Variants in GALNT10 observed in about 807,000 individuals in gnomAD.
GALNT10 encodes polypeptide N-acetylgalactosaminyltransferase 10, also known as GalNAc transferase 10.
A neutral mutation model predicts 75.0 loss-of-function variants in GALNT10; 41 were observed. That is an observed-to-expected ratio of 0.55 (90% CI 0.43 to 0.71). GALNT10 has a LOEUF of 0.71. GALNT10 is among the 30% of genes least tolerant of loss of function. GALNT10 has a pLI of 0.00. For missense variants in GALNT10, 727 were observed against 818.5 expected, an observed-to-expected ratio of 0.89 and a Z score of 1.36; for synonymous variants, 302 against 313.0, an observed-to-expected ratio of 0.96 and a Z score of 0.37.
intron 4 of GALNT10, among the ~76,000 whole-genome samples, chr5:154,341,232 C>G (rs114435360): frequency 6.6e-6 from 1 of 152,148 alleles, no homozygotes; most frequent in Non-Finnish European, 1.5e-5. Flanking sequence ...TCAGTTCCTT[C>G]GCCTAAAAGA....
intron 2 of GALNT10, 85 bp downstream of exon 2, chr5:154,295,003 T>C: frequency 1.5e-6 from 1 of 660,124 alleles, no homozygotes; most frequent in Non-Finnish European, 2.7e-6. Flanking sequence ...TGTGTGTGTG[T>C]GTGTGTTCAT....
At chr5:154,287,247 C>G (rs889702692) in intron 1 of GALNT10, among the ~76,000 whole-genome samples, 16 of 152,186 alleles carry the variant, frequency 1.1e-4, no homozygotes, top group Admixed American at 2.6e-4. Flanking sequence ...AATGTAAGGC[C>G]CTCCAATTCT....
In GALNT10 at chr5:154,315,000, G is replaced by A. The variant is rs572885450; in HGVS notation, c.402-14572G>A. 2.2e-3 allele frequency among the ~76,000 whole-genome samples: 330 copies of A among 152,210 alleles called. 2 individuals carry two copies. Among genetic ancestry groups the A allele is most frequent in the Non-Finnish European group, 2.7e-3 (181 of 68,030 alleles). On this transcript the variant is annotated intron_variant, in intron 3 of 11. Coordinates refer to ENST00000297107, the MANE Select transcript of GALNT10 (RefSeq NM_198321.4). ...GTGTTGATAGGGCCTTGCAAATCGT[G>A]TAGAACAACAACAGTGTGTCCTAGC...
intron 4 of GALNT10, among the ~76,000 whole-genome samples, chr5:154,370,900 C>T (rs1444562384): frequency 6.6e-6 from 1 of 152,230 alleles, no homozygotes; most frequent in East Asian, 1.9e-4. Flanking sequence ...TCAGCAGAGG[C>T]TGCCAGCAGG....
chr5:154,413,974 T>A (rs1318394463), intron 10 of GALNT10, among the ~76,000 whole-genome samples: 1 of 152,230 alleles, frequency 6.6e-6, no homozygotes, highest in Non-Finnish European at 1.5e-5. Flanking sequence ...ATAATTTTTT[T>A]AATTTTAAAG....
rs536998010 is a variant in GALNT10, at chr5:154,402,032, C to G, written c.1057-2072C>G. Among the ~76,000 whole-genome samples the G allele has an allele frequency of 6.6e-6, 1 of 152,142 alleles. No homozygotes were observed. The highest frequency in any genetic ancestry group is 1.9e-4 in the East Asian group (1 of 5,186). ...GGGTCAGGACGGTCTCATATCAGGA[C>G]GACTGCAAGAGCCTCCCGGGCCTAC... On this transcript the variant is annotated intron_variant, in intron 7 of 11. Transcript: ENST00000297107. This position sits in a 1 kb window ranked among gnomAD's most constrained non-coding sequence, Gnocchi z 4.2.
rs1378644499 is a variant in GALNT10, at chr5:154,416,450, T to TA, written c.1654-357dup. Among the ~76,000 whole-genome samples, 2 of 143,962 alleles carry TA rather than the reference T, an allele frequency of 1.4e-5. No individual in the cohort carries two copies. Among genetic ancestry groups the TA allele is most frequent in the Non-Finnish European group, 3.1e-5 (2 of 65,518 alleles). The allele number at this position is 143,962 out of a possible 152,430, so 94.4% of individuals were successfully genotyped here. A position where few individuals can be genotyped will look rare whatever the true frequency, so the allele number is the denominator to read the frequency against. ...CCTGTCTCAAAAAAATTAAAAAAAT[T>TA]AAAAAAATAAAAGATAAAAGGAAAG... On this transcript the variant is annotated intron_variant, in intron 11 of 11. Coordinates refer to ENST00000297107, the MANE Select transcript of GALNT10 (RefSeq NM_198321.4). This position sits in a 1 kb window ranked among gnomAD's most constrained non-coding sequence, Gnocchi z 4.5.
At chr5:154,321,349 A>T (rs1197061226) in intron 3 of GALNT10, among the ~76,000 whole-genome samples, 1 of 150,140 alleles carries the variant, frequency 6.7e-6, no homozygotes, top group Non-Finnish European at 1.5e-5. Flanking sequence ...TCGCTCTGTC[A>T]CCCAGAGTGC....
intron 1 of GALNT10, among the ~76,000 whole-genome samples, chr5:154,250,162 G>T (rs144669028): frequency 6.6e-6 from 1 of 152,196 alleles, no homozygotes; most frequent in African/African-American, 2.4e-5. Flanking sequence ...ACTGGCTGCT[G>T]CAGCCCCCTA....
intron 1 of GALNT10, among the ~76,000 whole-genome samples, chr5:154,284,518 C>T (rs1459521308): frequency 6.6e-6 from 1 of 152,182 alleles, no homozygotes; most frequent in Non-Finnish European, 1.5e-5. Flanking sequence ...GATGAGCTTT[C>T]CAGTTCCTTT....
chr5:154,358,312 A>G lies in GALNT10; in HGVS notation c.569-17965A>G, dbSNP rs149474322. Among the ~76,000 whole-genome samples, 243 of 146,788 alleles carry G rather than the reference A, an allele frequency of 1.7e-3. 5 individuals are homozygous for G. In the East Asian group the frequency reaches 0.048, roughly 29 times the overall value. On this transcript the variant is annotated intron_variant, in intron 4 of 11. Transcript: ENST00000297107. Reference sequence around the variant, plus strand: ...CCTTGGGGGCTCCAAGGCTGGTGCCATTTCTCCTGGCTTAGAGTAACAACA... The same window carrying G: ...CCTTGGGGGCTCCAAGGCTGGTGCCGTTTCTCCTGGCTTAGAGTAACAACA...
At chr5:154,369,078 T>C (rs1230360999) in intron 4 of GALNT10, among the ~76,000 whole-genome samples, 1 of 152,190 alleles carries the variant, frequency 6.6e-6, no homozygotes, top group African/African-American at 2.4e-5. Context: ...GAGTGGTCAC[T>C]AAGAGAGTTG....
chr5:154,219,977 A>C (rs1374950364), intron 1 of GALNT10: 1 of 152,242 alleles, frequency 6.6e-6, no homozygotes, highest in East Asian at 1.9e-4. Context: ...GCATAGGAGA[A>C]TTTTTGTCTT....
intron 4 of GALNT10, among the ~76,000 whole-genome samples, chr5:154,374,401 CTCAATGAAGTT>C (rs1755625837): frequency 6.6e-6 from 1 of 152,250 alleles, no homozygotes; most frequent in South Asian, 2.1e-4. Flanking sequence ...CACACTTCAT[CTCAATGAAGTT>C]CCTGGTGACA....
chr5:154,391,843 T>C (rs192620599), intron 7 of GALNT10, among the ~76,000 whole-genome samples: 2 of 149,268 alleles, frequency 1.3e-5, no homozygotes, highest in Admixed American at 1.3e-4. Flanking sequence ...CTTTTTCTCA[T>C]GGAGATCCTC....
rs1417520417 is a variant in GALNT10, at chr5:154,418,395, A to AGACTC, written c.*1424_*1428dup. On this transcript the variant is annotated 3_prime_UTR_variant, in exon 12 of 12. Coordinates refer to ENST00000297107, the MANE Select transcript of GALNT10 (RefSeq NM_198321.4). ...CCTTTTGCTTTGTTAATTACATGTC[A>AGACTC]GACTCCTAGAGGGCCTCCAGACTAA... 18 of 152,244 alleles carry AGACTC rather than the reference A, an allele frequency of 1.2e-4. No individual in the cohort carries two copies. Among genetic ancestry groups the AGACTC allele is most frequent in the African/African-American group, 4.3e-4 (18 of 41,460 alleles). The allele number at this position is 152,244 out of a possible 1,614,324, so 9.4% of individuals were successfully genotyped here.
At position 154,190,952 on chromosome 5, in the gene GALNT10, C is replaced by T. The variant is rs1371482562; in HGVS notation, c.86C>T (p.Ala29Val). Residue 29 changes from alanine (A) to valine (V), a missense_variant, in exon 1 of 12, where the codon GCG becomes GTG. Ala to Val is a moderately conservative substitution (Grantham distance 64). Coordinates refer to ENST00000297107, the MANE Select transcript of GALNT10 (RefSeq NM_198321.4). ...CTCCTGCCCAACGTGGGGCTTTGGGCGCTGTACCGCGAGCGGCAGCCCGAC... is the reference window on the plus strand; with the variant it reads ...CTCCTGCCCAACGTGGGGCTTTGGGTGCTGTACCGCGAGCGGCAGCCCGAC... ...LVLLPNVGLW[A>V]LYRERQPDGT... 1.3e-6 allele frequency: 2 copies of T among 1,510,158 alleles called. No homozygotes were observed. The highest frequency in any genetic ancestry group is 1.2e-5 in the South Asian group (1 of 81,634). 93.5% of individuals were successfully genotyped at this position (1,510,158 alleles called of 1,614,324 possible). A position where few individuals can be genotyped will look rare whatever the true frequency, so the allele number is the denominator to read the frequency against.
chr5:154,381,462 G>A (rs529253840), intron 6 of GALNT10, among the ~76,000 whole-genome samples: 16 of 152,348 alleles, frequency 1.1e-4, no homozygotes, highest in Middle Eastern at 3.4e-3. Context: ...CCTGCGACAC[G>A]TGTGGAAAAG....
In GALNT10 at chr5:154,404,104, G is replaced by T. The variant is rs201377561; in HGVS notation, c.1057G>T (p.Val353Leu). Reference protein sequence around the residue: ...GGEQYEISFKVWMCGGRMEDI... With the variant: ...GGEQYEISFKLWMCGGRMEDI... Reference sequence around the variant, plus strand: ...CTCTCTCTTCCTTCTTGCCATGCAGGTGTGGATGTGTGGGGGCCGCATGGA... The same window carrying T: ...CTCTCTCTTCCTTCTTGCCATGCAGTTGTGGATGTGTGGGGGCCGCATGGA... The change falls in exon 8 of 12, where the codon GTG becomes TTG. Residue 353 changes from valine (V) to leucine (L), a missense_variant and splice_region_variant. Val to Leu is a conservative substitution (Grantham distance 32, BLOSUM62 1). Transcript: ENST00000297107. 3.7e-4 allele frequency: 592 copies of T among 1,610,504 alleles called. 2 individuals carry two copies. Among genetic ancestry groups the T allele is most frequent in the South Asian group, 3.1e-3 (280 of 91,008 alleles).
Sources: gnomAD v4.1 joint callset for allele counts (sites outside exome capture counted in the v4.1 genomes callset) on GRCh38, gnomAD v4.1.1 for gene constraint, Gnocchi (gnomAD v3.1) non-coding constraint, MANE v1.5 for transcripts, NCBI Gene and HGNC (gene_info 2026-07-23, HGNC 2026-07-21) for gene names.